ANGPT1: variants seen among roughly 807,000 people sequenced by gnomAD.
ANGPT1 encodes the protein angiopoietin 1, also known as angiopoietin-1.
ANGPT1 carries 17 observed loss-of-function variants against 62.2 expected under a neutral mutation model. That is an observed-to-expected ratio of 0.27 (90% CI 0.19 to 0.41). The LOEUF (loss-of-function observed/expected upper bound fraction) is 0.41, where lower values mean the gene tolerates loss of function less well. Among genes scored for constraint, ANGPT1 ranks in the 10% least tolerant of loss-of-function variants. The pLI is 1.00. For missense variants in ANGPT1, 478 were observed against 594.9 expected (o/e 0.80, Z 2.04); for synonymous variants, 199 against 198.9 (o/e 1.00, Z 0.00).
At chr8:107,297,408 T>C (rs187853018) in intron 5 of ANGPT1, among the ~76,000 whole-genome samples, 52 of 152,056 alleles carry the variant, frequency 3.4e-4, no homozygotes, top group African/African-American at 1.2e-3. Context: ...TTAATGCATA[T>C]AGAATTTTTA....
chr8:107,410,243 C>G (rs548737550), intron 1 of ANGPT1, among the ~76,000 whole-genome samples: 1 of 152,308 alleles, frequency 6.6e-6, no homozygotes, highest in East Asian at 1.9e-4. Flanking sequence ...GGGTCTAATA[C>G]TCACCCTGCC....
intron 1 of ANGPT1, among the ~76,000 whole-genome samples, chr8:107,372,778 A>G (rs2130248866): frequency 6.6e-6 from 1 of 151,688 alleles, no homozygotes; most frequent in Middle Eastern, 3.4e-3. Flanking sequence ...TTAGTAGCTC[A>G]CCGACATTAC....
intron 1 of ANGPT1, among the ~76,000 whole-genome samples, chr8:107,429,866 G>T (rs1811134653): frequency 8.1e-6 from 1 of 124,136 alleles, no homozygotes; most frequent in Non-Finnish European, 1.8e-5. Flanking sequence ...CAGAATGATG[G>T]TTTATTGTGA....
chr8:107,261,486 A>C (rs1425887370), intron 8 of ANGPT1, among the ~76,000 whole-genome samples: 3 of 151,984 alleles, frequency 2.0e-5, no homozygotes, highest in Admixed American at 1.3e-4. Flanking sequence ...CGGTCGGATC[A>C]TGAGGTCAGG....
intron 1 of ANGPT1, among the ~76,000 whole-genome samples, chr8:107,377,315 T>C (rs1329744048): frequency 6.6e-6 from 1 of 152,184 alleles, no homozygotes; most frequent in African/African-American, 2.4e-5. Context: ...TGTTCAACAA[T>C]GAACAGGCCG....
chr8:107,457,987 A>T (rs1228093575), intron 1 of ANGPT1, among the ~76,000 whole-genome samples: 1 of 152,236 alleles, frequency 6.6e-6, no homozygotes, highest in East Asian at 1.9e-4. Flanking sequence ...CTTTAAAAAA[A>T]TATTATGATC....
At chr8:107,490,916 G>T (rs1232919065) in intron 1 of ANGPT1, among the ~76,000 whole-genome samples, 1 of 152,228 alleles carries the variant, frequency 6.6e-6, no homozygotes, top group Non-Finnish European at 1.5e-5. Flanking sequence ...GCCATCGCTT[G>T]TTGACCCTTG....
chr8:107,448,196 T>C (rs1211285003), intron 1 of ANGPT1, among the ~76,000 whole-genome samples: 2 of 152,228 alleles, frequency 1.3e-5, no homozygotes, highest in Non-Finnish European at 2.9e-5. Context: ...TATAAGGACT[T>C]ACTTAAATAC....
intron 8 of ANGPT1, among the ~76,000 whole-genome samples, chr8:107,260,441 T>C (rs575759942): frequency 3.3e-5 from 5 of 151,756 alleles, no homozygotes; most frequent in Non-Finnish European, 7.4e-5. Context: ...GAGAGGGTAT[T>C]TTAAATAGGC....
chr8:107,474,581 C>T (rs981783371), intron 1 of ANGPT1, among the ~76,000 whole-genome samples: 1 of 152,100 alleles, frequency 6.6e-6, no homozygotes, highest in African/African-American at 2.4e-5. Context: ...GAAGTTCTGG[C>T]CAGGGCAATT....
At chr8:107,454,067 A>G (rs1811852008) in intron 1 of ANGPT1, among the ~76,000 whole-genome samples, 1 of 152,052 alleles carries the variant, frequency 6.6e-6, no homozygotes, top group Non-Finnish European at 1.5e-5. Flanking sequence ...GATGCTACTG[A>G]TATAATATGA....
chr8:107,280,598 A>G (rs1813981032), intron 7 of ANGPT1, among the ~76,000 whole-genome samples: 1 of 152,210 alleles, frequency 6.6e-6, no homozygotes, highest in Non-Finnish European at 1.5e-5. Flanking sequence ...GTGAGTAAGA[A>G]TATAGCATAA....
rs1304356602 is a variant in ANGPT1, at chr8:107,336,279, T to TA, written c.454-9dup. Reference sequence around the variant, plus strand: ...AGAAGTTTGATTTAGTACCTTAAGATAAAAGATGAAAATATTTCAAACTTC... The same window carrying TA: ...AGAAGTTTGATTTAGTACCTTAAGATAAAAAGATGAAAATATTTCAAACTTC... On this transcript the variant is annotated splice_polypyrimidine_tract_variant and intron_variant, in intron 2 of 8. Transcript: ENST00000517746. The TA allele has an allele frequency of 2.5e-6, 4 of 1,579,044 alleles. No homozygotes were observed. The highest frequency in any genetic ancestry group is 2.0e-5 in the Admixed American group (1 of 50,412).
At chr8:107,489,624 A>G (rs1812905660) in intron 1 of ANGPT1, among the ~76,000 whole-genome samples, 1 of 152,234 alleles carries the variant, frequency 6.6e-6, no homozygotes, top group Non-Finnish European at 1.5e-5. Context: ...TTCGAATTAG[A>G]TAACAGTATT....
intron 1 of ANGPT1, among the ~76,000 whole-genome samples, chr8:107,434,421 G>A (rs1188289332): frequency 6.6e-6 from 1 of 152,102 alleles, no homozygotes; most frequent in Non-Finnish European, 1.5e-5. Context: ...TTCGCTTGGG[G>A]TTGGGAGGCA....
intron 1 of ANGPT1, among the ~76,000 whole-genome samples, chr8:107,415,813 C>A (rs897358582): frequency 6.6e-6 from 1 of 152,112 alleles, no homozygotes; most frequent in Non-Finnish European, 1.5e-5. Context: ...TGAAGCCAAC[C>A]TTTCCCTATA....
chr8:107,365,863 AC>A (rs2130223307), intron 1 of ANGPT1, among the ~76,000 whole-genome samples: 2 of 143,530 alleles, frequency 1.4e-5, no homozygotes, highest in South Asian at 4.6e-4. Context: ...TACAACACAC[AC>A]ACACACACAC....
chr8:107,383,771 G>A (rs1236638707), intron 1 of ANGPT1, among the ~76,000 whole-genome samples: 1 of 152,094 alleles, frequency 6.6e-6, no homozygotes, highest in Non-Finnish European at 1.5e-5. Flanking sequence ...TCAGAAAGGA[G>A]GGCCAGAATT....
chr8:107,309,228 G>A (rs947439976), intron 4 of ANGPT1, among the ~76,000 whole-genome samples: 5 of 152,052 alleles, frequency 3.3e-5, no homozygotes, highest in South Asian at 2.1e-4. Context: ...AGTATTTACC[G>A]AACATCAGAA....
Sources: allele counts gnomAD v4.1 joint callset (sites outside exome capture counted in the v4.1 genomes callset), GRCh38; gene constraint gnomAD v4.1.1; transcripts MANE v1.5; gene names NCBI Gene and HGNC (gene_info 2026-07-23, HGNC 2026-07-21).